The following ZNF251 variants were observed in gnomAD, a reference collection of about 807,000 sequenced individuals.
The protein encoded by ZNF251 is zinc finger protein 251.
Under a neutral mutation model 13.5 loss-of-function variants are expected in ZNF251, and 14 were observed. That is an observed-to-expected ratio of 1.04 (90% confidence interval 0.69 to 1.63). The LOEUF (loss-of-function observed/expected upper bound fraction) is 1.63, where lower values mean the gene tolerates loss of function less well. Ranked by LOEUF, ZNF251 falls within the 40% of genes most tolerant of loss-of-function variation. The pLI is 0.00. For missense variants in ZNF251, 764 were observed against 834.9 expected (o/e 0.92, Z 1.05); for synonymous variants, 287 against 295.2 (o/e 0.97, Z 0.28).
chr8:144,743,733 G>C (rs1011374315), intron 4 of ZNF251, among the ~76,000 whole-genome samples: 2 of 152,176 alleles, frequency 1.3e-5, no homozygotes, highest in African/African-American at 4.8e-5. Flanking sequence ...GTTATCAGTG[G>C]TGTGGATTTT....
chr8:144,735,813 A>C (rs1446587601), intron 4 of ZNF251, among the ~76,000 whole-genome samples: 1 of 152,176 alleles, frequency 6.6e-6, no homozygotes, highest in Non-Finnish European at 1.5e-5. Flanking sequence ...CCGGGGTACC[A>C]TGGGACTATC....
At chr8:144,748,669 TACC>T (rs1194730840) in intron 4 of ZNF251, among the ~76,000 whole-genome samples, 1 of 152,154 alleles carries the variant, frequency 6.6e-6, no homozygotes, top group Non-Finnish European at 1.5e-5. Context: ...CAAGCGATCC[TACC>T]ACATCAGCCT....
intron 4 of ZNF251, among the ~76,000 whole-genome samples, chr8:144,726,686 C>T (rs561130472): frequency 3.3e-5 from 5 of 151,742 alleles, no homozygotes; most frequent in South Asian, 2.1e-4. Flanking sequence ...CTGGCTAACA[C>T]GGTGAAACAC....
intron 4 of ZNF251, among the ~76,000 whole-genome samples, chr8:144,738,363 C>G (rs1344799456): frequency 1.3e-5 from 2 of 152,200 alleles, no homozygotes; most frequent in Non-Finnish European, 2.9e-5. Context: ...ACTGAGGGTC[C>G]CACACTGAGT....
Position 144,723,345 on chromosome 8 carries a change from TA to T in ZNF251, c.314del (p.Leu105Ter). 6.5e-7 allele frequency: 1 copy of T among 1,528,028 alleles called. No homozygotes were observed. Among genetic ancestry groups the T allele is most frequent in the Non-Finnish European group, 8.8e-7 (1 of 1,140,160 alleles). The allele number at this position is 1,528,028 out of a possible 1,614,324, so 94.7% of individuals were successfully genotyped here. ...TTACTTCTTCGGAAAATTTTTGGTTTAAAATAGATAGTTCCTTCTTGGTCCC... is the reference window on the plus strand; with the variant it reads ...TTACTTCTTCGGAAAATTTTTGGTTTAAATAGATAGTTCCTTCTTGGTCCC... The part of the protein sequence containing the change: ...EVGTKKELSI[L>X]NQKFSEEVKT... On this transcript the variant is annotated frameshift_variant, in exon 5 of 5. Coordinates refer to ENST00000292562, the MANE Select transcript of ZNF251 (RefSeq NM_138367.2). LOFTEE classifies it low-confidence loss of function (END_TRUNC).
At chr8:144,750,029 T>C (rs1824621267) in intron 4 of ZNF251, among the ~76,000 whole-genome samples, 2 of 152,030 alleles carry the variant, frequency 1.3e-5, no homozygotes, top group Admixed American at 1.3e-4. Context: ...AATTTTAATC[T>C]CTTTTGCTTA....
At chr8:144,740,945 A>G (rs1198821050) in intron 4 of ZNF251, among the ~76,000 whole-genome samples, 4 of 150,480 alleles carry the variant, frequency 2.7e-5, no homozygotes, top group African/African-American at 1.0e-4. Flanking sequence ...AAAAACAAAA[A>G]AAAAGAAACA....
At position 144,722,218 on chromosome 8, in the gene ZNF251, C is replaced by T. The variant is rs767014689; in HGVS notation, c.1442G>A (p.Arg481Gln). 50 of 1,613,740 alleles carry T rather than the reference C, an allele frequency of 3.1e-5. No individual in the cohort carries two copies. Among genetic ancestry groups the T allele is most frequent in the Non-Finnish European group, 4.1e-5 (48 of 1,179,946 alleles). ...ATAGGGCTTCTCTCCAGTGTGAACTCGCTGATGTAGGGTGAGCTGGGAGCT... is the reference window on the plus strand; with the variant it reads ...ATAGGGCTTCTCTCCAGTGTGAACTTGCTGATGTAGGGTGAGCTGGGAGCT... ...SQSSQLTLHQ[R>Q]VHTGEKPYDC... Residue 481 changes from arginine to glutamine, a missense_variant, in exon 5 of 5, where the codon CGA becomes CAA. Transcript: ENST00000292562. This position sits in a 1 kb window ranked among gnomAD's most constrained non-coding sequence, Gnocchi z 4.8.
chr8:144,750,562 A>C (rs1824644552), intron 4 of ZNF251, among the ~76,000 whole-genome samples: 2 of 152,200 alleles, frequency 1.3e-5, no homozygotes, highest in Admixed American at 6.5e-5. Context: ...GTATATTCCA[A>C]AGTGGTCCCT....
chr8:144,735,726 C>T (rs980972478), intron 4 of ZNF251, among the ~76,000 whole-genome samples: 1 of 152,178 alleles, frequency 6.6e-6, no homozygotes, highest in Non-Finnish European at 1.5e-5. Flanking sequence ...TGTAGAGTGG[C>T]CCTGGAGACC....
intron 4 of ZNF251, among the ~76,000 whole-genome samples, chr8:144,737,461 A>T (rs1441737011): frequency 1.3e-5 from 2 of 150,498 alleles, no homozygotes. Context: ...CAGAGTGCAG[A>T]TCTCGCCACT....
At chr8:144,735,123 C>T (rs1019436218) in intron 4 of ZNF251, among the ~76,000 whole-genome samples, 4 of 150,876 alleles carry the variant, frequency 2.7e-5, no homozygotes, top group Non-Finnish European at 4.4e-5. Context: ...TGGTGGCTCA[C>T]GCCTGTAATC....
At position 144,734,221 on chromosome 8, in the gene ZNF251, C is replaced by T. The variant is rs556004297; in HGVS notation, c.278-10839G>A. The stretch of plus-strand genomic sequence containing the variant: ...AGCTCCTGGCTGTAAGGACACCTCC[C>T]GTGGCGTTCACAGGTATCCAGGTCT... On this transcript the variant is annotated intron_variant, in intron 4 of 4. Coordinates refer to ENST00000292562, the MANE Select transcript of ZNF251 (RefSeq NM_138367.2). This position sits in a 1 kb window ranked among gnomAD's most constrained non-coding sequence, Gnocchi z 4.4. 2.0e-5 allele frequency among the ~76,000 whole-genome samples: 3 copies of T among 152,340 alleles called. No homozygotes were observed. Among genetic ancestry groups the T allele is most frequent in the East Asian group, 1.9e-4 (1 of 5,182 alleles).
chr8:144,729,745 C>G (rs1823638088), intron 4 of ZNF251, among the ~76,000 whole-genome samples: 1 of 152,082 alleles, frequency 6.6e-6, no homozygotes, highest in Non-Finnish European at 1.5e-5. Context: ...CCTGTGATCC[C>G]CGCACTTTGG....
chr8:144,733,316 G>A (rs746968739), intron 4 of ZNF251, among the ~76,000 whole-genome samples: 11 of 152,244 alleles, frequency 7.2e-5, no homozygotes, highest in Non-Finnish European at 1.3e-4. Flanking sequence ...TGAGGTGGGA[G>A]GATCACTTGA....
At chr8:144,732,621 G>A (rs577031931) in intron 4 of ZNF251, among the ~76,000 whole-genome samples, 126 of 151,452 alleles carry the variant, frequency 8.3e-4, no homozygotes, top group African/African-American at 3.0e-3. Context: ...GACCATCCTG[G>A]CCAACACGGT....
intron 4 of ZNF251, among the ~76,000 whole-genome samples, chr8:144,726,555 A>T (rs1177406364): frequency 6.6e-6 from 1 of 151,668 alleles, no homozygotes; most frequent in Non-Finnish European, 1.5e-5. Context: ...ATAATAATAA[A>T]AATAAAGACT....
intron 4 of ZNF251, 49 bp from the exon 5 acceptor site, chr8:144,723,431 G>C: frequency 7.4e-7 from 1 of 1,344,822 alleles, no homozygotes; most frequent in Middle Eastern, 2.4e-4. Context: ...CTTCCATCAG[G>C]CATAATGTCC....
At chr8:144,755,149 G>A in intron 1 of ZNF251, 1 of 1,191,634 alleles carries the variant, frequency 8.4e-7, no homozygotes, top group South Asian at 1.6e-5. Context: ...GGCTGAGGAC[G>A]TGAGAAGGAG....
Sources: allele counts gnomAD v4.1 joint callset (sites outside exome capture counted in the v4.1 genomes callset), GRCh38; gene constraint gnomAD v4.1.1; non-coding constraint Gnocchi (gnomAD v3.1); transcripts MANE v1.5; gene names NCBI Gene and HGNC (gene_info 2026-07-23, HGNC 2026-07-21).